The following RANBP2 variants were observed in gnomAD, a reference collection of about 807,000 sequenced individuals.
RANBP2 encodes the protein RAN binding protein 2, also known as E3 SUMO-protein ligase RanBP2.
In RANBP2, 57 loss-of-function variants were observed where a neutral mutation model predicts 303.6. That is an observed-to-expected ratio of 0.19 (90% confidence interval 0.15 to 0.23). The LOEUF is 0.23. Among genes scored for constraint, RANBP2 ranks in the 10% least tolerant of loss-of-function variants. The pLI is 1.00. For synonymous variants in RANBP2, 1,167 were observed against 1,301.5 expected (o/e 0.90, Z 2.23); for missense variants, 3,138 against 3,780.8 (o/e 0.83, Z 4.46).
chr2:108,843,251 G>A, the RANBP2 span, among the ~76,000 whole-genome samples: 2 of 152,132 alleles, frequency 1.3e-5, no homozygotes, highest in Non-Finnish European at 2.9e-5. Context: ...TCCGTCTGCT[G>A]GGTTCAAACC....
chr2:109,070,543 T>C, the RANBP2 span, among the ~76,000 whole-genome samples: 1 of 152,104 alleles, frequency 6.6e-6, no homozygotes, highest in Non-Finnish European at 1.5e-5. Flanking sequence ...AGTCTGGTAG[T>C]TCACATGAGA....
chr2:109,036,158 A>T, the RANBP2 span, among the ~76,000 whole-genome samples: 1 of 152,176 alleles, frequency 6.6e-6, no homozygotes, highest in Non-Finnish European at 1.5e-5. Context: ...AAACTACCAA[A>T]CTCAACGAGG....
At chr2:108,915,263 G>A in the RANBP2 span, among the ~76,000 whole-genome samples, 1 of 152,162 alleles carries the variant, frequency 6.6e-6, no homozygotes, top group East Asian at 1.9e-4. Context: ...CTTGTTCTGT[G>A]AGTGGGGGCA....
At chr2:109,226,795 C>G in the RANBP2 span, among the ~76,000 whole-genome samples, 1 of 152,146 alleles carries the variant, frequency 6.6e-6, no homozygotes, top group Non-Finnish European at 1.5e-5. Context: ...GAACTTGTGG[C>G]TTAGTAAGAA....
chr2:109,019,910 C>T, the RANBP2 span, among the ~76,000 whole-genome samples: 1 of 152,162 alleles, frequency 6.6e-6, no homozygotes, highest in Non-Finnish European at 1.5e-5. Context: ...TCTGAAATCA[C>T]CTAAATCAGC....
chr2:109,405,542 C>T, the RANBP2 span, among the ~76,000 whole-genome samples: 15 of 152,152 alleles, frequency 9.9e-5, no homozygotes, highest in East Asian at 3.9e-4. Flanking sequence ...CCGAAACTGC[C>T]GTAGCTAATC....
At chr2:109,313,886 T>G in the RANBP2 span, among the ~76,000 whole-genome samples, 1 of 137,302 alleles carries the variant, frequency 7.3e-6, no homozygotes, top group Non-Finnish European at 1.5e-5. Flanking sequence ...AGAGTGGCAG[T>G]GGAGGAGATA....
chr2:109,324,580 G>A, the RANBP2 span, among the ~76,000 whole-genome samples: 6 of 152,206 alleles, frequency 3.9e-5, no homozygotes, highest in South Asian at 1.2e-3. Context: ...CCAGGTTGAT[G>A]ATCTGTTGAC....
At chr2:109,620,361 C>A in the RANBP2 span, among the ~76,000 whole-genome samples, 2 of 152,164 alleles carry the variant, frequency 1.3e-5, no homozygotes, top group Non-Finnish European at 2.9e-5. Context: ...TTTATTAGAA[C>A]TGTACTTCGT....
the RANBP2 span, among the ~76,000 whole-genome samples, chr2:109,507,859 A>C: frequency 6.6e-6 from 1 of 152,304 alleles, no homozygotes; most frequent in South Asian, 2.1e-4. Context: ...CCATGAGGAC[A>C]CTTGGCATTC....
At chr2:108,839,434 G>A in the RANBP2 span, 1 of 702,036 alleles carries the variant, frequency 1.4e-6, no homozygotes, top group South Asian at 2.7e-5. Flanking sequence ...GTCTTGCTGG[G>A]ATTTTGATAG....
chr2:108,805,454 G>C, the RANBP2 span, among the ~76,000 whole-genome samples: 1 of 152,032 alleles, frequency 6.6e-6, no homozygotes, highest in Non-Finnish European at 1.5e-5. Flanking sequence ...GGCCAGGCGC[G>C]GTGGCTCACG....
At chr2:109,469,672 C>G in the RANBP2 span, among the ~76,000 whole-genome samples, 1 of 152,194 alleles carries the variant, frequency 6.6e-6, no homozygotes, top group African/African-American at 2.4e-5. Context: ...GACAAATCCA[C>G]AAGCTCCAGA....
chr2:108,791,834 G>C, the RANBP2 span: 2 of 1,537,374 alleles, frequency 1.3e-6, no homozygotes, highest in Non-Finnish European at 8.8e-7. Context: ...AATCAATTCA[G>C]TAGTAACTTT....
chr2:109,095,456 A>G, the RANBP2 span, among the ~76,000 whole-genome samples: 9 of 152,220 alleles, frequency 5.9e-5, no homozygotes, highest in Non-Finnish European at 1.2e-4. Context: ...GGTTTTAAAA[A>G]TTGTCTTAAC....
At chr2:109,701,165 C>T in the RANBP2 span, among the ~76,000 whole-genome samples, 5 of 152,188 alleles carry the variant, frequency 3.3e-5, no homozygotes, top group Non-Finnish European at 7.3e-5. Flanking sequence ...CGAGCCCAAA[C>T]CCCATGAGGA....
chr2:109,110,202 G>A, the RANBP2 span, among the ~76,000 whole-genome samples: 4 of 152,130 alleles, frequency 2.6e-5, no homozygotes, highest in South Asian at 2.1e-4. Context: ...ATAATGCCCC[G>A]GTGTCTATCC....
At chr2:109,039,327 C>T in the RANBP2 span, among the ~76,000 whole-genome samples, 1 of 152,164 alleles carries the variant, frequency 6.6e-6, no homozygotes, top group East Asian at 1.9e-4. Context: ...GTTTCTCCAG[C>T]AAGCCCTAAT....
At chr2:109,056,594 C>A in the RANBP2 span, among the ~76,000 whole-genome samples, 1 of 152,188 alleles carries the variant, frequency 6.6e-6, no homozygotes, top group African/African-American at 2.4e-5. Context: ...ATTAACTGTT[C>A]TTTCCTCTGT....
Sources: allele counts gnomAD v4.1 joint callset (sites outside exome capture counted in the v4.1 genomes callset), GRCh38; gene constraint gnomAD v4.1.1; transcripts MANE v1.5; gene names NCBI Gene and HGNC (gene_info 2026-07-23, HGNC 2026-07-21).